The following PLXNA4 variants were observed in gnomAD, a reference collection of about 807,000 sequenced individuals.
The protein encoded by PLXNA4 is plexin A4.
Under a neutral mutation model 191.8 loss-of-function variants are expected in PLXNA4, and 44 were observed. The observed-to-expected ratio is 0.23, with a 90% CI of 0.18 to 0.29. The LOEUF is 0.29. Ranked by LOEUF, PLXNA4 falls within the 10% of genes least tolerant of loss-of-function variation. The probability of loss-of-function intolerance (pLI) is 1.00; values close to 1 mark genes in which losing one functional copy is unlikely to be tolerated. For missense variants in PLXNA4, 1,800 were observed against 2,488.8 expected, an observed-to-expected ratio of 0.72 and a Z score of 5.89; for synonymous variants, 1,082 against 1,009.5, an observed-to-expected ratio of 1.07 and a Z score of -1.36.
intron 3 of PLXNA4, among the ~76,000 whole-genome samples, chr7:132,378,192 C>A (rs1336846954): frequency 3.3e-5 from 5 of 152,182 alleles, no homozygotes; most frequent in Non-Finnish European, 5.9e-5. Flanking sequence ...CTAGCTGTGG[C>A]AGCTTGGTGT....
intron 4 of PLXNA4, among the ~76,000 whole-genome samples, chr7:132,274,382 C>G (rs572619171): frequency 1.3e-5 from 2 of 152,162 alleles, no homozygotes; most frequent in Non-Finnish European, 2.9e-5. Flanking sequence ...TCCCCTTCCC[C>G]CAGCTTTTCC....
intron 3 of PLXNA4, among the ~76,000 whole-genome samples, chr7:132,362,640 A>T (rs1318868674): frequency 6.6e-6 from 1 of 152,214 alleles, no homozygotes. Context: ...CATAAGGGTT[A>T]GAAGAAAGTC....
chr7:132,475,750 G>A (rs1039407977), intron 3 of PLXNA4, among the ~76,000 whole-genome samples: 4 of 152,060 alleles, frequency 2.6e-5, no homozygotes, highest in African/African-American at 9.7e-5. Flanking sequence ...GCAGATGCAA[G>A]GAGCACTTAA....
chr7:132,386,956 C>A (rs1332840921), intron 3 of PLXNA4, among the ~76,000 whole-genome samples: 1 of 151,200 alleles, frequency 6.6e-6, no homozygotes, highest in African/African-American at 2.5e-5. Flanking sequence ...TTGTCAAATA[C>A]TAGAAGAACA....
At chr7:132,401,124 G>A (rs758630866) in intron 3 of PLXNA4, among the ~76,000 whole-genome samples, 3 of 152,080 alleles carry the variant, frequency 2.0e-5, no homozygotes, top group East Asian at 1.9e-4. Context: ...ATACACACTC[G>A]CCAATGCAAA....
intron 3 of PLXNA4, among the ~76,000 whole-genome samples, chr7:132,466,088 C>T (rs1585175616): frequency 6.6e-6 from 1 of 152,046 alleles, no homozygotes; most frequent in Admixed American, 6.6e-5. Flanking sequence ...CCCTCAGAGA[C>T]GAAGAAGCTG....
intron 4 of PLXNA4, among the ~76,000 whole-genome samples, chr7:132,265,229 G>A (rs1799804676): frequency 6.6e-6 from 1 of 152,142 alleles, no homozygotes; most frequent in Admixed American, 6.5e-5. Flanking sequence ...GGTCAGCTGG[G>A]TCCTGCCTGA....
chr7:132,287,019 C>T (rs1359209485), intron 4 of PLXNA4, among the ~76,000 whole-genome samples: 1 of 152,196 alleles, frequency 6.6e-6, no homozygotes, highest in Non-Finnish European at 1.5e-5. Flanking sequence ...CCAGGCTTCC[C>T]TGCCCCTAAC....
chr7:132,265,616 C>G (rs1799820934), intron 4 of PLXNA4, among the ~76,000 whole-genome samples: 1 of 152,192 alleles, frequency 6.6e-6, no homozygotes, highest in Admixed American at 6.5e-5. Context: ...TGGGGTCCTT[C>G]CTAGGTATTT....
At chr7:132,535,459 T>C (rs1799794739) in intron 1 of PLXNA4, among the ~76,000 whole-genome samples, 1 of 152,188 alleles carries the variant, frequency 6.6e-6, no homozygotes, top group African/African-American at 2.4e-5. Flanking sequence ...TAACGGCCTT[T>C]TGTGGCTGAG....
At chr7:132,163,678 T>C (rs770978217) in intron 24 of PLXNA4, among the ~76,000 whole-genome samples, 15 of 152,204 alleles carry the variant, frequency 9.9e-5, no homozygotes, top group South Asian at 2.1e-4. Flanking sequence ...CCTTGCGTTA[T>C]ACAGCTTGGG....
At chr7:132,162,367 G>C (rs2116639600) in intron 24 of PLXNA4, among the ~76,000 whole-genome samples, 1 of 152,308 alleles carries the variant, frequency 6.6e-6, no homozygotes, top group East Asian at 1.9e-4. Context: ...AATGGATACT[G>C]GTCCCTGAAC....
chr7:132,228,621 GTCC>G, intron 5 of PLXNA4, 152 bp from the exon 6 acceptor site: 1 of 1,014,266 alleles, frequency 9.9e-7, no homozygotes, highest in Non-Finnish European at 1.4e-6. Context: ...CTCAAGCCTG[GTCC>G]TCCTCCATCA....
intron 4 of PLXNA4, among the ~76,000 whole-genome samples, chr7:132,291,764 A>G (rs1800900926): frequency 6.6e-6 from 1 of 152,140 alleles, no homozygotes; most frequent in East Asian, 1.9e-4. Flanking sequence ...CAGCATATGG[A>G]ATGAGGAACA....
intron 22 of PLXNA4, among the ~76,000 whole-genome samples, chr7:132,166,140 T>C (rs1191748537): frequency 2.0e-5 from 3 of 151,864 alleles, no homozygotes; most frequent in African/African-American, 7.2e-5. Context: ...GAGGTTGCAG[T>C]GAGCCAAGAT....
At chr7:132,480,326 G>A (rs2117472846) in intron 3 of PLXNA4, among the ~76,000 whole-genome samples, 1 of 152,324 alleles carries the variant, frequency 6.6e-6, no homozygotes, top group East Asian at 1.9e-4. Flanking sequence ...TGGATGTGCT[G>A]GTGGTGACAA....
intron 14 of PLXNA4, among the ~76,000 whole-genome samples, chr7:132,189,018 GA>G (rs1796996316): frequency 1.3e-5 from 1 of 79,370 alleles, no homozygotes; most frequent in Non-Finnish European, 2.5e-5. Flanking sequence ...GAGAGAGAGA[GA>G]GAGAGAGAGA....
chr7:132,130,601 T>C, intron 31 of PLXNA4, 27 bp from the exon 32 acceptor site: 6 of 1,613,878 alleles, frequency 3.7e-6, no homozygotes, highest in Non-Finnish European at 5.1e-6. Flanking sequence ...AACAGGGAGA[T>C]TACTCATTTG....
At chr7:132,299,883 C>G (rs535390140) in intron 3 of PLXNA4, among the ~76,000 whole-genome samples, 21 of 152,284 alleles carry the variant, frequency 1.4e-4, no homozygotes, top group Non-Finnish European at 2.8e-4. Context: ...CATCTTTCTT[C>G]ACTCTCAAAG....
Sources: gnomAD v4.1 joint callset for allele counts (sites outside exome capture counted in the v4.1 genomes callset) on GRCh38, gnomAD v4.1.1 for gene constraint, MANE v1.5 for transcripts, NCBI Gene and HGNC (gene_info 2026-07-23, HGNC 2026-07-21) for gene names.